Variants in TECPR2 observed in about 807,000 individuals in gnomAD.
The protein encoded by TECPR2 is tectonin beta-propeller repeat containing 2.
In TECPR2, 65 loss-of-function variants were observed where a neutral mutation model predicts 138.1. The observed-to-expected ratio is 0.47, with a 90% CI of 0.39 to 0.58. TECPR2 has a LOEUF of 0.58. TECPR2 is among the 20% of genes least tolerant of loss of function. The pLI is 0.00. For synonymous variants in TECPR2, 746 were observed against 749.8 expected (o/e 0.99, Z 0.08); for missense variants, 1,553 against 1,824.5 (o/e 0.85, Z 2.71).
In TECPR2 at chr14:102,498,503, G is replaced by A. The variant is rs1033968644; in HGVS notation, c.*246G>A. ...TAGCTCAGGACAGTGGCGACTGCCC[G>A]GCTGCATGCACTCCGATTACCCACG... is the stretch of plus-strand genomic sequence containing the variant. On this transcript the variant is annotated 3_prime_UTR_variant, in exon 20 of 20. Coordinates refer to ENST00000359520, the MANE Select transcript of TECPR2 (RefSeq NM_014844.5). 19 of 571,934 alleles carry A rather than the reference G, an allele frequency of 3.3e-5. No homozygotes were observed. The highest frequency in any genetic ancestry group is 4.7e-4 in the Middle Eastern group (1 of 2,134). 35.4% of individuals were successfully genotyped at this position (571,934 alleles called of 1,614,324 possible). A position where few individuals can be genotyped will look rare whatever the true frequency, so the allele number is the denominator to read the frequency against.
chr14:102,446,887 T>C (rs944515333), intron 13 of TECPR2, among the ~76,000 whole-genome samples: 1 of 152,180 alleles, frequency 6.6e-6, no homozygotes, highest in Non-Finnish European at 1.5e-5. Flanking sequence ...TTTGAAGACC[T>C]AGGTAATAAT....
In TECPR2 at chr14:102,434,541, A is replaced by G; in HGVS notation, c.1724A>G (p.His575Arg). ...AGAACTGAAATGCCACACTGTCACC[A>G]TGCACATGGGCGGGAGCTGCTCAAT... The part of the protein sequence containing the change: ...DIRTEMPHCH[H>R]AHGRELLNGA... The change falls in exon 9 of 20, where the codon CAT (histidine) becomes CGT (arginine). Residue 575 changes from histidine to arginine, a missense_variant. By Grantham distance (29) the His-to-Arg change is conservative. Coordinates refer to ENST00000359520, the MANE Select transcript of TECPR2 (RefSeq NM_014844.5). The G allele has an allele frequency of 6.4e-7, 1 of 1,554,454 alleles. No homozygotes were observed. The highest frequency in any genetic ancestry group is 8.7e-7 in the Non-Finnish European group (1 of 1,148,838).
At chr14:102,445,998 T>C in intron 13 of TECPR2, 51 bp downstream of exon 13, 1 of 1,552,892 alleles carries the variant, frequency 6.4e-7, no homozygotes, top group Non-Finnish European at 8.7e-7. Context: ...CCTTTTCTGC[T>C]TCCCCTTTTC....
chr14:102,398,072 C>CAAAAAA (rs560266373), intron 2 of TECPR2, among the ~76,000 whole-genome samples: 5 of 45,622 alleles, frequency 1.1e-4, no homozygotes, highest in African/African-American at 2.5e-4. Flanking sequence ...GATTCTGTCT[C>CAAAAAA]AAAAAAAAAA....
chr14:102,453,376 A>G (rs1347130903), intron 16 of TECPR2, among the ~76,000 whole-genome samples: 2 of 152,054 alleles, frequency 1.3e-5, no homozygotes, highest in African/African-American at 4.8e-5. Context: ...GCTACTCAGG[A>G]GGCTGAGGCA....
intron 17 of TECPR2, among the ~76,000 whole-genome samples, chr14:102,476,629 A>C (rs1450108789): frequency 1.3e-5 from 2 of 152,196 alleles, no homozygotes; most frequent in African/African-American, 4.8e-5. Flanking sequence ...ATGAAATCCA[A>C]GTCTTAAGAG....
chr14:102,479,858 G>A (rs1165890312), intron 17 of TECPR2, among the ~76,000 whole-genome samples: 1 of 152,216 alleles, frequency 6.6e-6, no homozygotes, highest in African/African-American at 2.4e-5. Context: ...AGGTGCCTTG[G>A]AGAGGCATTG....
Position 102,499,018 on chromosome 14 carries a change from C to A in TECPR2, c.*761C>A. On this transcript the variant is annotated 3_prime_UTR_variant, in exon 20 of 20. Transcript: ENST00000359520. ...CTGCACCGCACCGCACCGCACCGTA[C>A]CTCGCCACATCTCACCACACCACAC... 1.4e-6 allele frequency: 1 copy of A among 698,140 alleles called. No individual in the cohort carries two copies. Among genetic ancestry groups the A allele is most frequent in the Non-Finnish European group, 2.6e-6 (1 of 383,632 alleles). 43.2% of individuals were successfully genotyped at this position (698,140 alleles called of 1,614,324 possible). A position where few individuals can be genotyped will look rare whatever the true frequency, so the allele number is the denominator to read the frequency against.
chr14:102,456,219 G>A (rs1220763904), intron 16 of TECPR2, among the ~76,000 whole-genome samples: 1 of 152,182 alleles, frequency 6.6e-6, no homozygotes, highest in Non-Finnish European at 1.5e-5. Context: ...TTAGCTGCTG[G>A]TGGTGGGGCT....
Position 102,434,438 on chromosome 14 carries a change from A to G in TECPR2, c.1621A>G (p.Asn541Asp). 6.5e-7 allele frequency: 1 copy of G among 1,535,088 alleles called. No homozygotes were observed. Among genetic ancestry groups the G allele is most frequent in the Non-Finnish European group, 8.7e-7 (1 of 1,143,352 alleles). ...NGEVNGVPQE[N>D]TDPETFNVLE... ...TGAAGTGAACGGTGTCCCACAGGAA[A>G]ATACTGACCCCGAAACGTTTAATGT... The change falls in exon 9 of 20, where the codon AAT (asparagine) becomes GAT (aspartate). Residue 541 changes from asparagine to aspartate, a missense_variant. Transcript: ENST00000359520.
At chr14:102,408,662 C>A (rs867936610) in intron 4 of TECPR2, 43 bp downstream of exon 4, 1 of 1,551,288 alleles carries the variant, frequency 6.4e-7, no homozygotes, top group Admixed American at 2.1e-5. Flanking sequence ...TACCTTCTTA[C>A]ATTTGGAAAA....
chr14:102,480,443 C>G (rs542228012), intron 17 of TECPR2, among the ~76,000 whole-genome samples: 1 of 152,228 alleles, frequency 6.6e-6, no homozygotes, highest in Non-Finnish European at 1.5e-5. Context: ...CCAGGATGGT[C>G]TCGATCTCCT....
intron 1 of TECPR2, among the ~76,000 whole-genome samples, chr14:102,367,888 C>A (rs1222238823): frequency 6.6e-6 from 1 of 150,692 alleles, no homozygotes; most frequent in African/African-American, 2.4e-5. Flanking sequence ...TCCTTGCTAA[C>A]ACTTGTTCAT....
intron 1 of TECPR2, among the ~76,000 whole-genome samples, chr14:102,364,959 G>A (rs1434100396): frequency 6.6e-6 from 1 of 152,214 alleles, no homozygotes; most frequent in African/African-American, 2.4e-5. Flanking sequence ...GAAGGGAGTA[G>A]TTGATGGCTT....
At chr14:102,464,388 G>C (rs1890495373) in intron 16 of TECPR2, among the ~76,000 whole-genome samples, 1 of 151,806 alleles carries the variant, frequency 6.6e-6, no homozygotes, top group Non-Finnish European at 1.5e-5. Context: ...GGGAGACTTA[G>C]TTTTGTTTTT....
intron 6 of TECPR2, among the ~76,000 whole-genome samples, chr14:102,426,503 G>A (rs74465554): frequency 0.01 from 1,584 of 152,208 alleles, 30 homozygotes; most frequent in African/African-American, 0.036. Flanking sequence ...TGAGCTCAGC[G>A]GGCCTCTGAC....
chr14:102,475,280 C>A (rs969178562), intron 17 of TECPR2, among the ~76,000 whole-genome samples: 2 of 152,168 alleles, frequency 1.3e-5, no homozygotes, highest in African/African-American at 4.8e-5. Context: ...AGGCACTGAG[C>A]AGAAGGCACC....
chr14:102,452,686 A>G, intron 16 of TECPR2, 59 bp downstream of exon 16: 2 of 1,398,090 alleles, frequency 1.4e-6, no homozygotes, highest in Non-Finnish European at 2.0e-6. Flanking sequence ...CCGGCATCAC[A>G]ACGTGATGTC....
In TECPR2 at chr14:102,434,715, T is replaced by C. The variant is rs1180922106; in HGVS notation, c.1898T>C (p.Ile633Thr). Residue 633 changes from isoleucine (I) to threonine (T), a missense_variant, in exon 9 of 20, where the codon ATT becomes ACT. Coordinates refer to ENST00000359520, the MANE Select transcript of TECPR2 (RefSeq NM_014844.5). ...CATGATGGGGAAGACATCCAACCCA[T>C]TGGCCCCCAAAGCACTTTTTGTGAA... is the stretch of plus-strand genomic sequence containing the variant. ...GAHDGEDIQPIGPQSTFCEVP... is the reference protein window; with the variant it reads ...GAHDGEDIQPTGPQSTFCEVP... 3.1e-6 allele frequency: 5 copies of C among 1,613,646 alleles called. No individual in the cohort carries two copies. The highest frequency in any genetic ancestry group is 1.3e-5 in the African/African-American group (1 of 74,924).
Sources: allele counts gnomAD v4.1 joint callset (sites outside exome capture counted in the v4.1 genomes callset), GRCh38; gene constraint gnomAD v4.1.1; transcripts MANE v1.5; gene names NCBI Gene and HGNC (gene_info 2026-07-23, HGNC 2026-07-21).